Variants in HADHA observed in about 807,000 individuals in gnomAD.
HADHA encodes trifunctional enzyme subunit alpha, mitochondrial.
HADHA carries 59 observed loss-of-function variants against 91.3 expected under a neutral mutation model. That is an observed-to-expected ratio of 0.65 (90% CI 0.52 to 0.80). The LOEUF is 0.80. HADHA is among the 30% of genes least tolerant of loss of function. The pLI, the probability that HADHA is intolerant of heterozygous loss-of-function variation, is 0.00. For synonymous variants in HADHA, 320 were observed against 338.9 expected (o/e 0.94, Z 0.61); for missense variants, 800 against 927.6 (o/e 0.86, Z 1.79).
intron 13 of HADHA, among the ~76,000 whole-genome samples, chr2:26,198,077 A>G (rs1669728552): frequency 6.6e-6 from 1 of 152,186 alleles, no homozygotes; most frequent in African/African-American, 2.4e-5. Context: ...GCTTAGAACA[A>G]CACTGAAAAG....
chr2:26,231,636 C>A (rs1033438833), intron 6 of HADHA, among the ~76,000 whole-genome samples: 1 of 152,094 alleles, frequency 6.6e-6, no homozygotes, highest in Non-Finnish European at 1.5e-5. Context: ...TATCTTTATC[C>A]TTCCTCAGAG....
chr2:26,221,305 A>G lies in HADHA; in HGVS notation c.677-6130T>C, dbSNP rs1670370748. Among the ~76,000 whole-genome samples, 1 of 152,120 alleles carries G rather than the reference A, an allele frequency of 6.6e-6. No individual in the cohort carries two copies. The highest frequency in any genetic ancestry group is 2.4e-5 in the African/African-American group (1 of 41,414). The stretch of plus-strand genomic sequence containing the variant: ...TGTCTGGAGTCTTTAATAGATCTCT[A>G]TTAGGTGAATCACAACACAGACCCT... On this transcript the variant is annotated intron_variant, in intron 7 of 19. Transcript: ENST00000380649. This position sits in a 1 kb window ranked among gnomAD's most constrained non-coding sequence, Gnocchi z 4.8.
intron 13 of HADHA, among the ~76,000 whole-genome samples, chr2:26,200,318 C>T (rs1209428765): frequency 1.3e-5 from 2 of 152,074 alleles, no homozygotes; most frequent in Non-Finnish European, 1.5e-5. Context: ...AGGCCTTGGT[C>T]CTACCTCATC....
chr2:26,204,151 G>A lies in HADHA; in HGVS notation c.1131C>T (p.Ala377=), dbSNP rs1388383131. 1 of 1,613,700 alleles carries A rather than the reference G, an allele frequency of 6.2e-7. No individual in the cohort carries two copies. The highest frequency in any genetic ancestry group is 1.1e-5 in the South Asian group (1 of 91,086). The change falls in exon 12 of 20, where the codon GCC becomes GCT. Residue 377 remains alanine (A), a synonymous_variant. Transcript: ENST00000380649. ...TTAGCCCCTTATCCACGGAGACTTG[G>A]GCGATGCCTGCTCCCATCAGCCCTG... ...LGAGLMGAGI[A]QVSVDKGLKT...
chr2:26,215,691 G>A (rs989681763), intron 7 of HADHA, among the ~76,000 whole-genome samples: 3 of 152,120 alleles, frequency 2.0e-5, no homozygotes, highest in African/African-American at 7.2e-5. Context: ...TCAAGCAGAA[G>A]GAAAGTGAAA....
At chr2:26,228,863 A>G (rs942434036) in intron 7 of HADHA, among the ~76,000 whole-genome samples, 2 of 152,072 alleles carry the variant, frequency 1.3e-5, no homozygotes. Flanking sequence ...TTCTTTTTTA[A>G]GAGATAGGAT....
chr2:26,217,755 T>A (rs1040050271), intron 7 of HADHA, among the ~76,000 whole-genome samples: 22 of 151,924 alleles, frequency 1.4e-4, no homozygotes, highest in African/African-American at 5.1e-4. Flanking sequence ...ATTTTTTTTT[T>A]AATTAGCTGG....
At chr2:26,200,864 C>G (rs182948632) in intron 13 of HADHA, among the ~76,000 whole-genome samples, 1 of 151,984 alleles carries the variant, frequency 6.6e-6, no homozygotes, top group African/African-American at 2.4e-5. Flanking sequence ...TCCCAAATAG[C>G]TGGGACTACA....
chr2:26,235,989 T>C (rs1293906446), intron 4 of HADHA, among the ~76,000 whole-genome samples: 1 of 152,214 alleles, frequency 6.6e-6, no homozygotes, highest in East Asian at 1.9e-4. Flanking sequence ...GTTTGTAGTG[T>C]CTCCTTCCAG....
chr2:26,217,315 G>A (rs1440995392), intron 7 of HADHA, among the ~76,000 whole-genome samples: 1 of 152,128 alleles, frequency 6.6e-6, no homozygotes, highest in Non-Finnish European at 1.5e-5. Flanking sequence ...ACAACCCAGA[G>A]CTTCATTTTT....
rs1320505643 is a variant in HADHA, at chr2:26,221,992, TA to T, written c.677-6818del. ...AGATGAAAAACTGTTGGCAAGGTGT[TA>T]TGGGCTGAATTGTGTCCCCCCTACC... On this transcript the variant is annotated intron_variant, in intron 7 of 19. Coordinates refer to ENST00000380649, the MANE Select transcript of HADHA (RefSeq NM_000182.5). This position sits in a 1 kb window ranked among gnomAD's most constrained non-coding sequence, Gnocchi z 4.8. 6.6e-6 allele frequency among the ~76,000 whole-genome samples: 1 copy of T among 152,154 alleles called. No homozygotes were observed. The highest frequency in any genetic ancestry group is 1.5e-5 in the Non-Finnish European group (1 of 68,014).
At chr2:26,220,087 T>C (rs1415105726) in intron 7 of HADHA, among the ~76,000 whole-genome samples, 1 of 152,136 alleles carries the variant, frequency 6.6e-6, no homozygotes, top group Non-Finnish European at 1.5e-5. Context: ...TTTTTGGGGA[T>C]TACTAGACAC....
At chr2:26,198,855 A>C (rs1462714265) in intron 13 of HADHA, among the ~76,000 whole-genome samples, 2 of 151,236 alleles carry the variant, frequency 1.3e-5, no homozygotes, top group Non-Finnish European at 2.9e-5. Context: ...TTCAAGACCA[A>C]CCTCGGCATC....
At position 26,210,167 on chromosome 2, in the gene HADHA, C is replaced by T. The variant is rs1295136403; in HGVS notation, c.976-278G>A. Among the ~76,000 whole-genome samples, 2 of 152,152 alleles carry T rather than the reference C, an allele frequency of 1.3e-5. No individual in the cohort carries two copies. Among genetic ancestry groups the T allele is most frequent in the East Asian group, 1.9e-4 (1 of 5,198 alleles). On this transcript the variant is annotated intron_variant, in intron 10 of 19. Coordinates refer to ENST00000380649, the MANE Select transcript of HADHA (RefSeq NM_000182.5). This position sits in a 1 kb window ranked among gnomAD's most constrained non-coding sequence, Gnocchi z 4.0. ...ATTCTTTACACCAGAGGTGTGGTAA[C>T]CTTTTTCATAAAACTAGAGTCTCAG...
At chr2:26,222,187 G>C (rs1417751367) in intron 7 of HADHA, among the ~76,000 whole-genome samples, 1 of 152,184 alleles carries the variant, frequency 6.6e-6, no homozygotes, top group Non-Finnish European at 1.5e-5. Context: ...CAAAAGAGAT[G>C]CCAGGGATGT....
At chr2:26,195,315 T>A in intron 14 of HADHA, 83 bp from the exon 15 acceptor site, 1 of 1,177,596 alleles carries the variant, frequency 8.5e-7, no homozygotes, top group Non-Finnish European at 1.3e-6. Flanking sequence ...AGGAAAACAC[T>A]AGAAAGAAAG....
intron 13 of HADHA, chr2:26,199,131 C>T (rs1287411637): frequency 1.3e-5 from 2 of 152,000 alleles, no homozygotes; most frequent in South Asian, 2.1e-4. Context: ...CTCCTGACCT[C>T]GTGATCCACC....
chr2:26,218,023 T>C (rs1207514596), intron 7 of HADHA, among the ~76,000 whole-genome samples: 1 of 152,024 alleles, frequency 6.6e-6, no homozygotes, highest in African/African-American at 2.4e-5. Flanking sequence ...AGAAAAACAT[T>C]AGCCGGCCAG....
intron 17 of HADHA, 108 bp downstream of exon 17, chr2:26,193,469 T>C: frequency 1.1e-6 from 1 of 934,892 alleles, no homozygotes. Context: ...AAGGGCTCTG[T>C]GTTTAGAAAA....
Sources: allele counts gnomAD v4.1 joint callset (sites outside exome capture counted in the v4.1 genomes callset), GRCh38; gene constraint gnomAD v4.1.1; non-coding constraint Gnocchi (gnomAD v3.1); transcripts MANE v1.5; gene names NCBI Gene and HGNC (gene_info 2026-07-23, HGNC 2026-07-21).